Variants in TRPV6 observed in about 807,000 individuals in gnomAD.
The protein encoded by TRPV6 is Alu-binding protein with zinc finger domain.
A neutral mutation model predicts 79.0 loss-of-function variants in TRPV6; 39 were observed. That is an observed-to-expected ratio of 0.49 (90% CI 0.38 to 0.64). The LOEUF is 0.64. Ranked by LOEUF, TRPV6 falls within the 30% of genes least tolerant of loss-of-function variation. The probability of loss-of-function intolerance (pLI) is 0.00; values close to 1 mark genes in which losing one functional copy is unlikely to be tolerated. For synonymous variants in TRPV6, 373 were observed against 391.9 expected (o/e 0.95, Z 0.57); for missense variants, 813 against 1,011.1 (o/e 0.80, Z 2.66).
intron 13 of TRPV6, 47 bp from the exon 14 acceptor site, chr7:142,872,525 G>A (rs887293901): frequency 8.9e-6 from 14 of 1,569,228 alleles, no homozygotes; most frequent in African/African-American, 4.1e-5. Context: ...GCTGGGCGCA[G>A]ACAGAGGTAG....
At chr7:142,884,080 C>A in intron 1 of TRPV6, 1 of 152,450 alleles carries the variant, frequency 6.6e-6, no homozygotes, top group Non-Finnish European at 1.5e-5. Flanking sequence ...CCTGGATCCC[C>A]TGGCCCTGGG....
chr7:142,876,104 A>G (rs1299080480), intron 6 of TRPV6, 200 bp from the exon 7 acceptor site: 11 of 687,994 alleles, frequency 1.6e-5, no homozygotes, highest in Non-Finnish European at 2.3e-5. Flanking sequence ...GACTCCCTCC[A>G]GAGTTTGGAA....
At chr7:142,872,712 AG>A (rs1022343131) in intron 13 of TRPV6, among the ~76,000 whole-genome samples, 1 of 152,326 alleles carries the variant, frequency 6.6e-6, no homozygotes. Context: ...GCAAATAGAA[AG>A]GGCTTTTAAG....
In TRPV6 at chr7:142,875,808, C is replaced by T; in HGVS notation, c.979G>A (p.Gly327Arg). 6.2e-7 allele frequency: 1 copy of T among 1,612,234 alleles called. No homozygotes were observed. Among genetic ancestry groups the T allele is most frequent in the Non-Finnish European group, 8.5e-7 (1 of 1,178,930 alleles). The stretch of plus-strand genomic sequence containing the variant: ...AGTTCCAGCAGGGACTGCTCATCCC[C>T]TGAGGAGTCGATCTCTGTGAGGTCA... The change falls in exon 7 of 15, where the codon GGG becomes AGG. Residue 327 changes from glycine (G) to arginine (R), a missense_variant. Physicochemically the swap from Gly to Arg is moderately radical, Grantham distance 125. Transcript: ENST00000359396.
rs764034316 is a variant in TRPV6, at chr7:142,871,215, C to T, written c.*492G>A. ...GCAGAAGGGCAGCTGGGCAGGGATC[C>T]GAAAACGACTTTATTGAAGATGGAG... On this transcript the variant is annotated 3_prime_UTR_variant, in exon 15 of 15. Transcript: ENST00000359396. 64 of 548,614 alleles carry T rather than the reference C, an allele frequency of 1.2e-4. No individual in the cohort carries two copies. The highest frequency in any genetic ancestry group is 1.9e-4 in the Non-Finnish European group (57 of 304,670). The allele number at this position is 548,614 out of a possible 1,614,324, so 34.0% of individuals were successfully genotyped here. A position where few individuals can be genotyped will look rare whatever the true frequency, so the allele number is the denominator to read the frequency against.
rs745903672 is a variant in TRPV6 at position 142,873,612 on chromosome 7, C to T, written c.1744G>A (p.Asp582Asn). Reference sequence around the variant, plus strand: ...TCCACGTTGTAGTTGGCTGGGCCATCGATGATGGTAAGGAACAGCTCGAAG... The same window carrying T: ...TCCACGTTGTAGTTGGCTGGGCCATTGATGATGGTAAGGAACAGCTCGAAG... The change falls in exon 13 of 15, where the codon GAT becomes AAT. Residue 582 changes from aspartate to asparagine, a missense_variant. Physicochemically the swap from Asp to Asn is conservative, Grantham distance 23. Coordinates refer to ENST00000359396, the MANE Select transcript of TRPV6 (RefSeq NM_018646.6). This position sits in a 1 kb window ranked among gnomAD's most constrained non-coding sequence, Gnocchi z 4.8. The T allele has an allele frequency of 3.7e-6, 6 of 1,614,128 alleles. No homozygotes were observed. The highest frequency in any genetic ancestry group is 1.7e-6 in the Non-Finnish European group (2 of 1,180,034).
chr7:142,875,057 C>T (rs1158840045), intron 9 of TRPV6, 21 bp downstream of exon 9: 1 of 1,614,048 alleles, frequency 6.2e-7, no homozygotes, highest in Non-Finnish European at 8.5e-7. Context: ...CAGCCTCACC[C>T]AGAGTCCATC....
rs572816657 is a variant in TRPV6, at chr7:142,876,124, G to A, written c.883-220C>T. 9.9e-5 allele frequency: 66 copies of A among 665,286 alleles called. 1 individual carries two copies. The South Asian group carries it at 1.3e-3, about 14-fold the overall frequency. 41.2% of individuals were successfully genotyped at this position (665,286 alleles called of 1,614,324 possible). On this transcript the variant is annotated intron_variant, in intron 6 of 14. Coordinates refer to ENST00000359396, the MANE Select transcript of TRPV6 (RefSeq NM_018646.6). ...CCTCCAGAGTTTGGAAAGGAGAGAC[G>A]AGAGGCTGGAGGGCCCTGCTCTGGG...
Position 142,873,475 on chromosome 7 carries a change from A to G in TRPV6, c.1881T>C (p.His627=), listed in dbSNP as rs1387330812. 6.2e-7 allele frequency: 1 copy of G among 1,614,052 alleles called. No homozygotes were observed. Among genetic ancestry groups the G allele is most frequent in the Non-Finnish European group, 8.5e-7 (1 of 1,180,038 alleles). The change falls in exon 13 of 15, where the codon CAT becomes CAC. Residue 627 remains histidine, a synonymous_variant. Transcript: ENST00000359396. This position sits in a 1 kb window ranked among gnomAD's most constrained non-coding sequence, Gnocchi z 4.8. Reference sequence around the variant, plus strand: ...GGGCCCTCCACAGCTCATCCCGCTCATGGGCCACTCGCCAGTGAGTGTCGC... The same window carrying G: ...GGGCCCTCCACAGCTCATCCCGCTCGTGGGCCACTCGCCAGTGAGTGTCGC...
chr7:142,873,922 T>G lies in TRPV6; in HGVS notation c.1639+154A>C. 9.2e-7 allele frequency: 1 copy of G among 1,090,838 alleles called. No homozygotes were observed. Among genetic ancestry groups the G allele is most frequent in the Non-Finnish European group, 1.3e-6 (1 of 749,390 alleles). The allele number at this position is 1,090,838 out of a possible 1,614,324, so 67.6% of individuals were successfully genotyped here. A position where few individuals can be genotyped will look rare whatever the true frequency, so the allele number is the denominator to read the frequency against. Reference sequence around the variant, plus strand: ...CCACCTCTCCCTAACACTCCCGATTTTTCTCACCTCTGGAGGACGTCCCAT... The same window carrying G: ...CCACCTCTCCCTAACACTCCCGATTGTTCTCACCTCTGGAGGACGTCCCAT... On this transcript the variant is annotated intron_variant, in intron 12 of 14. Coordinates refer to ENST00000359396, the MANE Select transcript of TRPV6 (RefSeq NM_018646.6). This position sits in a 1 kb window ranked among gnomAD's most constrained non-coding sequence, Gnocchi z 4.8.
chr7:142,871,913 C>G lies in TRPV6; in HGVS notation c.2092G>C (p.Asp698His). Residue 698 changes from aspartate to histidine, a missense_variant, in exon 15 of 15, where the codon GAT becomes CAT. Around this residue, in one of 3 missense-constraint regions of TRPV6, gnomAD observed 164 missense variants for 186.1 expected, o/e 0.88. Transcript: ENST00000359396. The stretch of plus-strand genomic sequence containing the variant: ...TTTTCCACTGAGTCTTTGTCCAAAT[C>G]CTCAGAGCCCCGGGTGTGGAAGGCC... 1 of 1,614,172 alleles carries G rather than the reference C, an allele frequency of 6.2e-7. No homozygotes were observed. The highest frequency in any genetic ancestry group is 8.5e-7 in the Non-Finnish European group (1 of 1,180,002).
In TRPV6 at chr7:142,875,774, G is replaced by A. The variant is rs1795052787; in HGVS notation, c.1013C>T (p.Thr338Ile). ...GAGCCATACCTCCCGCTTCTTGGTG[G>A]TGATGATAAGTTCCAGCAGGGACTG... Residue 338 changes from threonine to isoleucine, a missense_variant, in exon 7 of 15, where the codon ACC becomes ATC. Thr to Ile is a moderately conservative substitution (Grantham distance 89). Transcript: ENST00000359396. 5 of 1,605,586 alleles carry A rather than the reference G, an allele frequency of 3.1e-6. No homozygotes were observed. Among genetic ancestry groups the A allele is most frequent in the Non-Finnish European group, 3.4e-6 (4 of 1,175,464 alleles).
Position 142,875,083 on chromosome 7 carries a change from C to T in TRPV6, c.1324G>A (p.Val442Ile), listed in dbSNP as rs751005197. 1 of 1,614,066 alleles carries T rather than the reference C, an allele frequency of 6.2e-7. No homozygotes were observed. Among genetic ancestry groups the T allele is most frequent in the East Asian group, 2.2e-5 (1 of 44,886 alleles). Reference sequence around the variant, plus strand: ...AGAGTCCATCCACACCTCACCTCTACCAGCAGGATGATGATAGCCCCAATG... The same window carrying T: ...AGAGTCCATCCACACCTCACCTCTATCAGCAGGATGATGATAGCCCCAATG... Residue 442 changes from valine to isoleucine, a missense_variant, in exon 9 of 15, where the codon GTA becomes ATA. Physicochemically the swap from Val to Ile is conservative, Grantham distance 29. Coordinates refer to ENST00000359396, the MANE Select transcript of TRPV6 (RefSeq NM_018646.6).
At chr7:142,882,756 A>G (rs1456100383) in intron 1 of TRPV6, 1 of 152,232 alleles carries the variant, frequency 6.6e-6, no homozygotes, top group African/African-American at 2.4e-5. Context: ...AAGCGTGCAC[A>G]ATATACCAGA....
chr7:142,874,484 G>C lies in TRPV6; in HGVS notation c.1572+7C>G, dbSNP rs1795010315. ...CTTTCTCTAGGGAGCTTGGGGGGAGGACTGACCTTCTGAATCATGATGGTG... is the reference window on the plus strand; with the variant it reads ...CTTTCTCTAGGGAGCTTGGGGGGAGCACTGACCTTCTGAATCATGATGGTG... On this transcript the variant is annotated splice_region_variant and intron_variant, in intron 11 of 14. Coordinates refer to ENST00000359396, the MANE Select transcript of TRPV6 (RefSeq NM_018646.6). The C allele has an allele frequency of 1.2e-6, 2 of 1,613,966 alleles. No individual in the cohort carries two copies. Among genetic ancestry groups the C allele is most frequent in the South Asian group, 2.2e-5 (2 of 91,080 alleles).
chr7:142,875,266 T>A, intron 8 of TRPV6, 102 bp from the exon 9 acceptor site: 2 of 1,439,476 alleles, frequency 1.4e-6, no homozygotes, highest in Admixed American at 3.6e-5. Context: ...TTCTTTTTAA[T>A]CTGTTAGGTT....
chr7:142,874,012 C>G, intron 12 of TRPV6, 64 bp downstream of exon 12: 2 of 1,558,488 alleles, frequency 1.3e-6, no homozygotes, highest in Non-Finnish European at 1.8e-6. Flanking sequence ...TAGCCAGAGC[C>G]AGTGCCCCCT....
At position 142,873,341 on chromosome 7, in the gene TRPV6, C is replaced by T. The variant is rs1322509126; in HGVS notation, c.1908+107G>A. ...CATGATTTTGCTAGCTTTGCCACAA[C>T]TGTCCAAACATAAGTGGGGTGGAGA... is the stretch of plus-strand genomic sequence containing the variant. On this transcript the variant is annotated intron_variant, in intron 13 of 14. Coordinates refer to ENST00000359396, the MANE Select transcript of TRPV6 (RefSeq NM_018646.6). The surrounding 1 kb of genome is among the most constrained non-coding windows in gnomAD (Gnocchi z 4.8). The T allele has an allele frequency of 1.3e-5, 19 of 1,482,254 alleles. No homozygotes were observed. Among genetic ancestry groups the T allele is most frequent in the Non-Finnish European group, 1.7e-5 (19 of 1,092,264 alleles). 91.8% of individuals were successfully genotyped at this position (1,482,254 alleles called of 1,614,324 possible).
chr7:142,872,114 C>T lies in TRPV6; in HGVS notation c.2016-125G>A, dbSNP rs79483036. On this transcript the variant is annotated intron_variant, in intron 14 of 14. Coordinates refer to ENST00000359396, the MANE Select transcript of TRPV6 (RefSeq NM_018646.6). ...TGCTGGCCTTTTCCCTTTTCTGCAG[C>T]CATGGTGGATGCCTGGGTCACTGGC... The T allele has an allele frequency of 3.4e-4, 463 of 1,371,444 alleles. 2 individuals are homozygous for T. In the East Asian group the frequency reaches 0.011, roughly 32 times the overall value. The allele number at this position is 1,371,444 out of a possible 1,614,324, so 85.0% of individuals were successfully genotyped here. A position where few individuals can be genotyped will look rare whatever the true frequency, so the allele number is the denominator to read the frequency against.
Sources: allele counts gnomAD v4.1 joint callset (sites outside exome capture counted in the v4.1 genomes callset), GRCh38; gene constraint gnomAD v4.1.1; regional missense constraint gnomAD v4.1.1; non-coding constraint Gnocchi (gnomAD v3.1); transcripts MANE v1.5; gene names NCBI Gene and HGNC (gene_info 2026-07-23, HGNC 2026-07-21).